GRK7: variants seen among roughly 807,000 people sequenced by gnomAD.
GRK7 encodes rhodopsin kinase GRK7.
A neutral mutation model predicts 34.1 loss-of-function variants in GRK7; 24 were observed. The observed-to-expected ratio is 0.70, with a 90% CI of 0.51 to 0.99. GRK7 has a LOEUF of 0.99. Among genes scored for constraint, GRK7 ranks in the 50% least tolerant of loss-of-function variants. The probability of loss-of-function intolerance (pLI) is 0.00; values close to 1 mark genes in which losing one functional copy is unlikely to be tolerated. For synonymous variants in GRK7, 256 were observed against 279.4 expected, an observed-to-expected ratio of 0.92 and a Z score of 0.84; for missense variants, 644 against 707.3, an observed-to-expected ratio of 0.91 and a Z score of 1.02.
chr3:141,793,814 A>G (rs2084737010), intron 4 of GRK7, among the ~76,000 whole-genome samples: 1 of 152,242 alleles, frequency 6.6e-6, no homozygotes, highest in Non-Finnish European at 1.5e-5. Context: ...ATAAAAATAT[A>G]GGGCCTCTTC....
chr3:141,767,779 A>G (rs761862712), intron 1 of GRK7, among the ~76,000 whole-genome samples: 13 of 152,186 alleles, frequency 8.5e-5, no homozygotes, highest in Non-Finnish European at 1.6e-4. Flanking sequence ...TGTGTGTCAC[A>G]CTAGATTCTT....
chr3:141,814,429 A>G (rs1312257301), intron 5 of GRK7, among the ~76,000 whole-genome samples: 1 of 152,110 alleles, frequency 6.6e-6, no homozygotes, highest in African/African-American at 2.4e-5. Flanking sequence ...CTTTATGTCC[A>G]TGTTTACCCA....
intron 4 of GRK7, among the ~76,000 whole-genome samples, chr3:141,787,248 T>G (rs537383073): frequency 5.8e-4 from 89 of 152,294 alleles, no homozygotes; most frequent in African/African-American, 2.1e-3. Flanking sequence ...TTTGTGGTAA[T>G]TTGTTACACA....
At chr3:141,751,337 C>T in the GRK7 span, among the ~76,000 whole-genome samples, 1 of 151,946 alleles carries the variant, frequency 6.6e-6, no homozygotes, top group Non-Finnish European at 1.5e-5. Flanking sequence ...TATTGCATGC[C>T]TGCTATATAT....
intron 4 of GRK7, among the ~76,000 whole-genome samples, chr3:141,795,427 G>A (rs16851803): frequency 0.019 from 2,921 of 152,346 alleles, 54 homozygotes; most frequent in East Asian, 0.088. Flanking sequence ...TGGCATAAAG[G>A]CCTCGCAGCA....
chr3:141,767,937 G>C (rs569854948), intron 1 of GRK7, among the ~76,000 whole-genome samples: 1 of 152,268 alleles, frequency 6.6e-6, no homozygotes, highest in African/African-American at 2.4e-5. Flanking sequence ...GCTTAGACTA[G>C]GTACACACTA....
At chr3:141,769,387 G>A (rs889950394) in intron 1 of GRK7, among the ~76,000 whole-genome samples, 1 of 152,154 alleles carries the variant, frequency 6.6e-6, no homozygotes, top group African/African-American at 2.4e-5. Context: ...GGCTGCTGCA[G>A]TAACCTCTCA....
intron 4 of GRK7, among the ~76,000 whole-genome samples, chr3:141,801,524 A>C (rs1710966854): frequency 6.6e-6 from 1 of 152,168 alleles, no homozygotes; most frequent in Admixed American, 6.5e-5. Context: ...TTTGATCCAA[A>C]TTTAAACAAA....
At chr3:141,790,325 G>A (rs1327300134) in intron 4 of GRK7, among the ~76,000 whole-genome samples, 1 of 152,078 alleles carries the variant, frequency 6.6e-6, no homozygotes, top group African/African-American at 2.4e-5. Context: ...TGCTATAAAA[G>A]GCTTTTCACT....
Position 141,818,087 on chromosome 3 carries a change from T to C in GRK7, c.*1037T>C, listed in dbSNP as rs1414619812. 1 of 152,240 alleles carries C rather than the reference T, an allele frequency of 6.6e-6. No homozygotes were observed. 9.4% of individuals were successfully genotyped at this position (152,240 alleles called of 1,614,324 possible). On this transcript the variant is annotated 3_prime_UTR_variant, in exon 6 of 6. Coordinates refer to ENST00000682958, the MANE Select transcript of GRK7 (RefSeq NM_139209.3). ...GAAACAAGACAGTCTATTCATCTTATGGCTTCTCTTGTCCTTGCACACTTT... is the reference window on the plus strand; with the variant it reads ...GAAACAAGACAGTCTATTCATCTTACGGCTTCTCTTGTCCTTGCACACTTT...
chr3:141,776,177 C>T (rs1469048931), intron 2 of GRK7, among the ~76,000 whole-genome samples: 1 of 151,994 alleles, frequency 6.6e-6, no homozygotes, highest in Non-Finnish European at 1.5e-5. Context: ...GTCCTAGCTA[C>T]TTGGGAGGCT....
At chr3:141,784,601 G>A (rs1018487811) in intron 4 of GRK7, among the ~76,000 whole-genome samples, 2 of 152,152 alleles carry the variant, frequency 1.3e-5, no homozygotes, top group Non-Finnish European at 2.9e-5. Context: ...CTCACAAGTA[G>A]ATTGTAAGGT....
chr3:141,752,334 A>G, the GRK7 span, among the ~76,000 whole-genome samples: 1 of 152,264 alleles, frequency 6.6e-6, no homozygotes, highest in East Asian at 1.9e-4. Flanking sequence ...ACATTTGGCG[A>G]TGTCTGGAGA....
At chr3:141,788,164 G>A (rs1577917894) in intron 4 of GRK7, among the ~76,000 whole-genome samples, 5 of 152,352 alleles carry the variant, frequency 3.3e-5, no homozygotes, top group Admixed American at 2.0e-4. Flanking sequence ...CTCCCTGGGG[G>A]GGCACAGGCC....
chr3:141,793,274 T>C (rs780449750), intron 4 of GRK7, among the ~76,000 whole-genome samples: 1 of 152,056 alleles, frequency 6.6e-6, no homozygotes, highest in Non-Finnish European at 1.5e-5. Context: ...CCACTGGCAT[T>C]CAAAGCCTAG....
chr3:141,815,522 G>T (rs1040231913), intron 5 of GRK7, among the ~76,000 whole-genome samples: 4 of 152,054 alleles, frequency 2.6e-5, no homozygotes, highest in Admixed American at 6.6e-5. Flanking sequence ...AGAGGAGTAT[G>T]GTAGGCAGCC....
intron 1 of GRK7, among the ~76,000 whole-genome samples, chr3:141,771,703 G>T (rs999392297): frequency 1.4e-4 from 21 of 146,788 alleles, no homozygotes; most frequent in Admixed American, 1.1e-3. Flanking sequence ...TTTTTTTTTT[G>T]AGACTGAGTG....
chr3:141,756,334 G>GGC, the GRK7 span, among the ~76,000 whole-genome samples: 77 of 131,398 alleles, frequency 5.9e-4, 1 homozygote, highest in African/African-American at 2.1e-3. Context: ...AAAGGTGGGG[G>GGC]GGTGAAAACA....
chr3:141,762,808 G>T (rs1374436996), upstream of GRK7, among the ~76,000 whole-genome samples: 3 of 152,266 alleles, frequency 2.0e-5, no homozygotes, highest in East Asian at 5.8e-4. Flanking sequence ...CTCCGAGCCA[G>T]GTGAGGGATA....
Sources: gnomAD v4.1 joint callset for allele counts (sites outside exome capture counted in the v4.1 genomes callset) on GRCh38, gnomAD v4.1.1 for gene constraint, MANE v1.5 for transcripts, NCBI Gene and HGNC (gene_info 2026-07-23, HGNC 2026-07-21) for gene names.